The following MB21D2 variants were observed in gnomAD, a reference collection of about 807,000 sequenced individuals.
MB21D2 encodes the protein Mab-21 domain containing 2, also known as nucleotidyltransferase MB21D2.
In MB21D2, 9 loss-of-function variants were observed where a neutral mutation model predicts 33.3. The ratio of observed to expected loss-of-function variants is 0.27; its 90% CI spans 0.16 to 0.47. The LOEUF (loss-of-function observed/expected upper bound fraction) is 0.47, where lower values mean the gene tolerates loss of function less well. Ranked by LOEUF, MB21D2 falls within the 20% of genes least tolerant of loss-of-function variation. The pLI, the probability that MB21D2 is intolerant of heterozygous loss-of-function variation, is 0.99. For synonymous variants in MB21D2, 241 were observed against 236.3 expected (o/e 1.02, Z -0.18); for missense variants, 540 against 624.6 (o/e 0.86, Z 1.44).
intron 1 of MB21D2, among the ~76,000 whole-genome samples, chr3:192,830,205 G>A (rs1276437991): frequency 6.6e-6 from 1 of 150,820 alleles, no homozygotes; most frequent in Non-Finnish European, 1.5e-5. Context: ...TTTCCTGACT[G>A]TTAGTATGTT....
chr3:192,899,712 G>A (rs1450687683), intron 1 of MB21D2, among the ~76,000 whole-genome samples: 1 of 142,610 alleles, frequency 7.0e-6, no homozygotes, highest in Non-Finnish European at 1.5e-5. Context: ...ATGGAGAGAA[G>A]AAAACATAGT....
intron 1 of MB21D2, among the ~76,000 whole-genome samples, chr3:192,901,548 C>G (rs1432263557): frequency 1.9e-5 from 2 of 107,602 alleles, no homozygotes; most frequent in Non-Finnish European, 4.2e-5. Context: ...TTATTTCACC[C>G]CAACAACAAT....
chr3:192,879,143 T>C (rs2108641897), intron 1 of MB21D2, among the ~76,000 whole-genome samples: 1 of 152,364 alleles, frequency 6.6e-6, no homozygotes, highest in African/African-American at 2.4e-5. Flanking sequence ...CATCAGGGGC[T>C]GGCTAAGGCT....
chr3:192,916,059 A>G (rs999986540), intron 1 of MB21D2, among the ~76,000 whole-genome samples: 3 of 150,500 alleles, frequency 2.0e-5, no homozygotes, highest in African/African-American at 7.4e-5. Flanking sequence ...CTTTGTAAGC[A>G]TTTTAGGCTT....
chr3:192,916,288 C>A (rs867715327), intron 1 of MB21D2, among the ~76,000 whole-genome samples: 41 of 151,996 alleles, frequency 2.7e-4, no homozygotes, highest in Admixed American at 7.9e-4. Context: ...CAACTACCAG[C>A]GGACACAGAC....
At chr3:192,871,996 T>TATGAC (rs1373765944) in intron 1 of MB21D2, among the ~76,000 whole-genome samples, 7 of 152,202 alleles carry the variant, frequency 4.6e-5, no homozygotes, top group African/African-American at 1.7e-4. Context: ...GAACTAATCT[T>TATGAC]ATGACATATC....
At position 192,884,430 on chromosome 3, in the gene MB21D2, G is replaced by A. The variant is rs187363955; in HGVS notation, c.211+33200C>T. On this transcript the variant is annotated intron_variant, in intron 1 of 1. Transcript: ENST00000392452. ...CACCCAGGCTGGAGTGCAGTGGCGC[G>A]ATCTAGGCTCACTGCAAGCTCCGCC... Among the ~76,000 whole-genome samples the A allele has an allele frequency of 2.3e-3, 355 of 151,764 alleles. 5 individuals are homozygous for A. Among genetic ancestry groups the A allele is most frequent in the Admixed American group, 5.3e-3 (81 of 15,266 alleles).
chr3:192,895,235 A>G (rs1713941072), intron 1 of MB21D2, among the ~76,000 whole-genome samples: 2 of 152,140 alleles, frequency 1.3e-5, no homozygotes, highest in Non-Finnish European at 2.9e-5. Context: ...CCATGTCACC[A>G]CCTTCACCCT....
At chr3:192,872,444 C>T (rs556781022) in intron 1 of MB21D2, among the ~76,000 whole-genome samples, 75 of 151,646 alleles carry the variant, frequency 4.9e-4, no homozygotes, top group African/African-American at 1.7e-3. Context: ...CACGTGGTGG[C>T]GAGCGCCTGT....
chr3:192,917,474 A>G (rs1714494102), intron 1 of MB21D2, among the ~76,000 whole-genome samples, 156 bp downstream of exon 1: 1 of 152,134 alleles, frequency 6.6e-6, no homozygotes, highest in Non-Finnish European at 1.5e-5. Flanking sequence ...CGGCGGAGAA[A>G]GAAGAGAGAG....
At chr3:192,878,021 G>C (rs1256168835) in intron 1 of MB21D2, among the ~76,000 whole-genome samples, 2 of 149,956 alleles carry the variant, frequency 1.3e-5, no homozygotes, top group African/African-American at 4.9e-5. Context: ...AGCAACGGTG[G>C]GAGAAGCCAT....
At chr3:192,851,716 T>C (rs1712810649) in intron 1 of MB21D2, among the ~76,000 whole-genome samples, 1 of 152,058 alleles carries the variant, frequency 6.6e-6, no homozygotes, top group Non-Finnish European at 1.5e-5. Context: ...GCCAGGCTGG[T>C]CTTGAACTCC....
At chr3:192,915,009 C>G (rs1714430695) in intron 1 of MB21D2, among the ~76,000 whole-genome samples, 1 of 152,316 alleles carries the variant, frequency 6.6e-6, no homozygotes, top group Admixed American at 6.5e-5. Context: ...CTCACCCCTG[C>G]CAACTGCCTG....
chr3:192,868,139 T>C (rs549951744), intron 1 of MB21D2, among the ~76,000 whole-genome samples: 3 of 152,348 alleles, frequency 2.0e-5, no homozygotes, highest in Non-Finnish European at 4.4e-5. Flanking sequence ...GATACAGGGA[T>C]CTATAAATGC....
chr3:192,843,918 G>A (rs1712625311), intron 1 of MB21D2, among the ~76,000 whole-genome samples: 1 of 152,110 alleles, frequency 6.6e-6, no homozygotes, highest in Admixed American at 6.5e-5. Flanking sequence ...TGAAACGTAT[G>A]CTCCGTTTGT....
intron 1 of MB21D2, among the ~76,000 whole-genome samples, chr3:192,804,581 T>G (rs1206445239): frequency 6.6e-6 from 1 of 152,214 alleles, no homozygotes; most frequent in African/African-American, 2.4e-5. Flanking sequence ...TATGCCTGAA[T>G]ATCTCAGTAA....
chr3:192,866,387 G>A (rs568764051), intron 1 of MB21D2, among the ~76,000 whole-genome samples: 10 of 152,130 alleles, frequency 6.6e-5, no homozygotes, highest in Admixed American at 2.0e-4. Context: ...ATTAGATTGC[G>A]TCTTCTGGTT....
chr3:192,911,846 C>T (rs1714364550), intron 1 of MB21D2, among the ~76,000 whole-genome samples: 1 of 152,154 alleles, frequency 6.6e-6, no homozygotes. Flanking sequence ...ATAATGTTCT[C>T]AGAGATAGAA....
At chr3:192,870,690 G>A (rs939528510) in intron 1 of MB21D2, among the ~76,000 whole-genome samples, 3 of 79,962 alleles carry the variant, frequency 3.8e-5, no homozygotes, top group Admixed American at 1.4e-4. Context: ...CAGCCTGGGC[G>A]ACTCCGTTGA....
Sources: gnomAD v4.1 joint callset for allele counts (sites outside exome capture counted in the v4.1 genomes callset) on GRCh38, gnomAD v4.1.1 for gene constraint, MANE v1.5 for transcripts, NCBI Gene and HGNC (gene_info 2026-07-23, HGNC 2026-07-21) for gene names.